EEFSEC: variants seen among roughly 807,000 people sequenced by gnomAD.
EEFSEC encodes selenocysteine-specific elongation factor.
Under a neutral mutation model 42.1 loss-of-function variants are expected in EEFSEC, and 43 were observed. That is an observed-to-expected ratio of 1.02 (90% CI 0.80 to 1.32). EEFSEC has a LOEUF of 1.32. Ranked by LOEUF, EEFSEC falls within the 40% of genes most tolerant of loss-of-function variation. The pLI, the probability that EEFSEC is intolerant of heterozygous loss-of-function variation, is 0.00. For missense variants in EEFSEC, 745 were observed against 803.6 expected (o/e 0.93, Z 0.88); for synonymous variants, 354 against 339.1 (o/e 1.04, Z -0.48).
At chr3:128,165,182 C>T (rs1462461870) in intron 1 of EEFSEC, among the ~76,000 whole-genome samples, 1 of 152,188 alleles carries the variant, frequency 6.6e-6, no homozygotes, top group Non-Finnish European at 1.5e-5. Flanking sequence ...CTACATTGCT[C>T]AGCTACTAGA....
chr3:128,409,504 C>G (rs2068159097), downstream of EEFSEC, among the ~76,000 whole-genome samples: 2 of 152,300 alleles, frequency 1.3e-5, no homozygotes, highest in African/African-American at 4.8e-5. Flanking sequence ...CCTTCGTCAA[C>G]CTTGGCCCAG....
chr3:128,205,415 G>T (rs2065687406), intron 1 of EEFSEC, among the ~76,000 whole-genome samples: 1 of 152,034 alleles, frequency 6.6e-6, no homozygotes, highest in Non-Finnish European at 1.5e-5. Context: ...GAAGAGCAAG[G>T]CTGGACTCCT....
At chr3:128,279,149 C>T (rs190838373) in intron 4 of EEFSEC, among the ~76,000 whole-genome samples, 27 of 152,294 alleles carry the variant, frequency 1.8e-4, no homozygotes, top group African/African-American at 5.3e-4. Context: ...CATACGGCGG[C>T]GGCGTTGGGC....
chr3:128,399,709 G>T (rs995164575), intron 6 of EEFSEC, among the ~76,000 whole-genome samples: 65 of 151,938 alleles, frequency 4.3e-4, no homozygotes, highest in Non-Finnish European at 8.4e-4. Flanking sequence ...GAGGAGACTG[G>T]TGTCAGGGCT....
intron 5 of EEFSEC, among the ~76,000 whole-genome samples, chr3:128,353,077 T>A (rs575036944): frequency 4.6e-5 from 7 of 152,248 alleles, no homozygotes; most frequent in Non-Finnish European, 1.0e-4. Flanking sequence ...AAAGAACGTA[T>A]AACAAAACCA....
intron 4 of EEFSEC, among the ~76,000 whole-genome samples, chr3:128,307,640 G>A (rs908101511): frequency 6.6e-6 from 1 of 152,152 alleles, no homozygotes; most frequent in African/African-American, 2.4e-5. Context: ...TGCTTTATTC[G>A]CAACAAGAAC....
At chr3:128,277,023 A>C (rs2107958343) in intron 4 of EEFSEC, among the ~76,000 whole-genome samples, 1 of 152,324 alleles carries the variant, frequency 6.6e-6, no homozygotes, top group East Asian at 1.9e-4. Context: ...TTGAGGAAGC[A>C]GACCCTTCTG....
intron 1 of EEFSEC, among the ~76,000 whole-genome samples, chr3:128,182,880 GGGC>G (rs1328293192): frequency 0.018 from 1,992 of 111,146 alleles, 195 homozygotes; most frequent in African/African-American, 0.054. Context: ...ACAGAGATCG[GGGC>G]GGGGGGGTGG....
chr3:128,246,920 G>C lies in EEFSEC; in HGVS notation c.401G>C (p.Gly134Ala). ...CAGTCAGCGGAATGCCTTGTGATCGGCCAGATTGCCTGCCAGAAGCTGGTC... is the reference window on the plus strand; with the variant it reads ...CAGTCAGCGGAATGCCTTGTGATCGCCCAGATTGCCTGCCAGAAGCTGGTC... The part of the protein sequence containing the change: ...QTQSAECLVI[G>A]QIACQKLVVV... The change falls in exon 2 of 7, where the codon GGC becomes GCC. Residue 134 changes from glycine to alanine, a missense_variant. Transcript: ENST00000254730. The C allele has an allele frequency of 6.2e-7, 1 of 1,614,180 alleles. No individual in the cohort carries two copies. Among genetic ancestry groups the C allele is most frequent in the Non-Finnish European group, 8.5e-7 (1 of 1,180,024 alleles).
chr3:128,356,761 A>G (rs968931906), intron 5 of EEFSEC, among the ~76,000 whole-genome samples: 3 of 152,070 alleles, frequency 2.0e-5, no homozygotes, highest in Non-Finnish European at 2.9e-5. Flanking sequence ...GCCCCCATCC[A>G]TACACAGCCT....
At chr3:128,330,378 T>C (rs1461601273) in intron 4 of EEFSEC, among the ~76,000 whole-genome samples, 1 of 152,050 alleles carries the variant, frequency 6.6e-6, no homozygotes, top group Non-Finnish European at 1.5e-5. Flanking sequence ...GTGCTGAGGA[T>C]CGGTGGTGAG....
intron 1 of EEFSEC, among the ~76,000 whole-genome samples, chr3:128,168,008 G>A (rs766932054): frequency 6.6e-6 from 1 of 152,160 alleles, no homozygotes; most frequent in East Asian, 1.9e-4. Flanking sequence ...GTCACCAGTC[G>A]TCCCTGCTGG....
At chr3:128,283,622 T>C (rs2066552699) in intron 4 of EEFSEC, among the ~76,000 whole-genome samples, 1 of 152,188 alleles carries the variant, frequency 6.6e-6, no homozygotes, top group Non-Finnish European at 1.5e-5. Context: ...CGAATTGGTA[T>C]AGACACTCAA....
At chr3:128,320,397 A>G (rs956182432) in intron 4 of EEFSEC, among the ~76,000 whole-genome samples, 1 of 152,248 alleles carries the variant, frequency 6.6e-6, no homozygotes, top group African/African-American at 2.4e-5. Context: ...ATATTGAACA[A>G]CTTCTAATTT....
At chr3:128,257,029 G>A (rs531731302) in intron 2 of EEFSEC, among the ~76,000 whole-genome samples, 2 of 152,288 alleles carry the variant, frequency 1.3e-5, no homozygotes, top group Admixed American at 6.5e-5. Flanking sequence ...ACAGGTGTGA[G>A]CCACCATGCC....
At chr3:128,339,781 A>G (rs2067230011) in intron 4 of EEFSEC, among the ~76,000 whole-genome samples, 1 of 152,222 alleles carries the variant, frequency 6.6e-6, no homozygotes, top group South Asian at 2.1e-4. Flanking sequence ...TTTAAAAAAA[A>G]GAGGTTTAAT....
chr3:128,387,361 A>T (rs1038287275), intron 6 of EEFSEC, among the ~76,000 whole-genome samples: 1 of 152,188 alleles, frequency 6.6e-6, no homozygotes, highest in Non-Finnish European at 1.5e-5. Context: ...TTTAGGAAAG[A>T]TAAGTATACA....
chr3:128,272,028 G>A (rs1010649134), intron 4 of EEFSEC, among the ~76,000 whole-genome samples: 19 of 152,300 alleles, frequency 1.2e-4, no homozygotes, highest in Admixed American at 7.8e-4. Context: ...AACTTCAATT[G>A]CCTTAAGCAG....
chr3:128,302,670 A>T (rs1486454585), intron 4 of EEFSEC, among the ~76,000 whole-genome samples: 2 of 152,106 alleles, frequency 1.3e-5, no homozygotes, highest in Non-Finnish European at 2.9e-5. Context: ...TAACAGCACG[A>T]AAGTTACAAA....
Sources: allele counts gnomAD v4.1 joint callset (sites outside exome capture counted in the v4.1 genomes callset), GRCh38; gene constraint gnomAD v4.1.1; transcripts MANE v1.5; gene names NCBI Gene and HGNC (gene_info 2026-07-23, HGNC 2026-07-21).